The following SERINC5 variants were observed in gnomAD, a reference collection of about 807,000 sequenced individuals.
SERINC5 encodes chromosome 5 open reading frame 12.
A neutral mutation model predicts 63.1 loss-of-function variants in SERINC5; 41 were observed. That is an observed-to-expected ratio of 0.65 (90% CI 0.51 to 0.84). The LOEUF (loss-of-function observed/expected upper bound fraction) is 0.84. SERINC5 is among the 40% of genes least tolerant of loss of function. The pLI is 0.00. For synonymous variants in SERINC5, 222 were observed against 215.2 expected (o/e 1.03, Z -0.28); for missense variants, 523 against 573.0 (o/e 0.91, Z 0.89).
intron 4 of SERINC5, among the ~76,000 whole-genome samples, chr5:80,175,726 T>C (rs1335714900): frequency 6.6e-6 from 1 of 151,014 alleles, no homozygotes; most frequent in Non-Finnish European, 1.5e-5. Flanking sequence ...ACTCCAGGCA[T>C]AGTGGCGGGT....
At chr5:80,157,112 C>A (rs1038653974) in intron 8 of SERINC5, 2 of 151,346 alleles carry the variant, frequency 1.3e-5, no homozygotes, top group Non-Finnish European at 2.9e-5. Context: ...CCAGCCTCAG[C>A]CTCCGGAGTA....
chr5:80,184,560 C>T (rs954000751), intron 2 of SERINC5, among the ~76,000 whole-genome samples: 1 of 152,150 alleles, frequency 6.6e-6, no homozygotes, highest in African/African-American at 2.4e-5. Context: ...GGTAAACAAC[C>T]CCCCTGCTCC....
intron 6 of SERINC5, among the ~76,000 whole-genome samples, chr5:80,168,325 T>C (rs1561388133): frequency 6.6e-6 from 1 of 151,912 alleles, no homozygotes; most frequent in Non-Finnish European, 1.5e-5. Context: ...GCCTCCCGGG[T>C]AGCTGGGAAT....
Position 80,256,036 on chromosome 5 carries a change from T to C in SERINC5, c.-114A>G. On this transcript the variant is annotated 5_prime_UTR_variant, in exon 1 of 12. Coordinates refer to ENST00000507668, the MANE Select transcript of SERINC5 (RefSeq NM_001174072.3). ...GCCGCAGCTCACACTTGAACGAAGATCAGCCTCGGCGAAGCGCCTAGGCGC... is the reference window on the plus strand; with the variant it reads ...GCCGCAGCTCACACTTGAACGAAGACCAGCCTCGGCGAAGCGCCTAGGCGC... 6 of 1,167,230 alleles carry C rather than the reference T, an allele frequency of 5.1e-6. No individual in the cohort carries two copies. The highest frequency in any genetic ancestry group is 1.7e-5 in the South Asian group (1 of 58,360). 72.3% of individuals were successfully genotyped at this position (1,167,230 alleles called of 1,614,324 possible).
intron 2 of SERINC5, among the ~76,000 whole-genome samples, chr5:80,181,803 C>G (rs972916734): frequency 6.6e-6 from 1 of 152,136 alleles, no homozygotes; most frequent in South Asian, 2.1e-4. Flanking sequence ...AGGGTAGGTA[C>G]GGTTCTAACT....
chr5:80,236,178 C>T (rs1751678249), intron 1 of SERINC5, among the ~76,000 whole-genome samples: 1 of 152,156 alleles, frequency 6.6e-6, no homozygotes, highest in Admixed American at 6.6e-5. Flanking sequence ...AAAACTACAA[C>T]ATCTAACATT....
intron 11 of SERINC5, among the ~76,000 whole-genome samples, chr5:80,132,462 C>A (rs541557553): frequency 6.6e-6 from 1 of 152,258 alleles, no homozygotes; most frequent in South Asian, 2.1e-4. Flanking sequence ...TGTATCTCCT[C>A]ATGTTGTTCC....
intron 1 of SERINC5, among the ~76,000 whole-genome samples, chr5:80,238,379 C>A (rs1299626852): frequency 6.6e-6 from 1 of 152,152 alleles, no homozygotes; most frequent in South Asian, 2.1e-4. Flanking sequence ...CTATCATCCA[C>A]GCATAGAGCA....
chr5:80,233,594 A>T (rs1281954413), intron 1 of SERINC5, among the ~76,000 whole-genome samples: 1 of 152,080 alleles, frequency 6.6e-6, no homozygotes, highest in Non-Finnish European at 1.5e-5. Flanking sequence ...TAAAAATAAA[A>T]CTAGGACTTT....
chr5:80,155,834 T>C (rs1253313879), intron 8 of SERINC5, among the ~76,000 whole-genome samples: 1 of 152,144 alleles, frequency 6.6e-6, no homozygotes, highest in Non-Finnish European at 1.5e-5. Flanking sequence ...TATGATGTTC[T>C]TTCACAGCAA....
Position 80,140,365 on chromosome 5 carries a change from G to A in SERINC5, c.*3298C>T. 1 of 886,596 alleles carries A rather than the reference G, an allele frequency of 1.1e-6. No individual in the cohort carries two copies. The highest frequency in any genetic ancestry group is 1.3e-6 in the Non-Finnish European group (1 of 746,116). The allele number at this position is 886,596 out of a possible 1,614,324, so 54.9% of individuals were successfully genotyped here. On this transcript the variant is annotated 3_prime_UTR_variant, in exon 12 of 12. Coordinates refer to ENST00000507668, the MANE Select transcript of SERINC5 (RefSeq NM_001174072.3). ...GGTGACAATTTTGACATGGGGACAG[G>A]AAATTAACATTACACTGAGGTTATT...
chr5:80,200,854 G>A (rs1409376816), intron 2 of SERINC5, among the ~76,000 whole-genome samples: 2 of 152,072 alleles, frequency 1.3e-5, no homozygotes, highest in Non-Finnish European at 2.9e-5. Context: ...AGCACTTTGG[G>A]AGGCTGAGGC....
chr5:80,207,708 C>G (rs147745335), intron 1 of SERINC5, among the ~76,000 whole-genome samples: 23 of 152,206 alleles, frequency 1.5e-4, no homozygotes, highest in Admixed American at 5.2e-4. Context: ...TGTATGTGTA[C>G]CTATACACAC....
chr5:80,203,567 C>G (rs1749991531), intron 1 of SERINC5, among the ~76,000 whole-genome samples: 1 of 152,018 alleles, frequency 6.6e-6, no homozygotes, highest in African/African-American at 2.4e-5. Flanking sequence ...GTCCCAGCTA[C>G]TTGGGAGGCT....
intron 1 of SERINC5, among the ~76,000 whole-genome samples, chr5:80,223,846 C>A (rs964621735): frequency 1.3e-5 from 2 of 152,050 alleles, no homozygotes; most frequent in Admixed American, 6.6e-5. Flanking sequence ...AAAAGTCAAG[C>A]CGGGCGCGGT....
At chr5:80,134,437 G>A (rs1463609922), downstream of SERINC5, among the ~76,000 whole-genome samples, 1 of 152,216 alleles carries the variant, frequency 6.6e-6, no homozygotes, top group African/African-American at 2.4e-5. Flanking sequence ...AGTGAGCCAA[G>A]ATGGGGCCAC....
intron 1 of SERINC5, among the ~76,000 whole-genome samples, chr5:80,245,006 C>G (rs1456994039): frequency 1.3e-5 from 2 of 152,188 alleles, no homozygotes; most frequent in East Asian, 3.9e-4. Context: ...TCCTCTCTCA[C>G]TTGACTTCAA....
intron 1 of SERINC5, among the ~76,000 whole-genome samples, chr5:80,255,693 G>C (rs966735171): frequency 6.6e-6 from 1 of 152,110 alleles, no homozygotes; most frequent in Admixed American, 6.5e-5. Flanking sequence ...GTAGCCTCTC[G>C]GGCTTCCCCC....
Position 80,255,879 on chromosome 5 carries a change from C to T in SERINC5, c.27+17G>A. 6.3e-7 allele frequency: 1 copy of T among 1,589,242 alleles called. No homozygotes were observed. ...CTCCGATCTGACAACCCCCGCGCTGCGCCCGGCCTCGCTCACCTGGCCCGC... is the reference window on the plus strand; with the variant it reads ...CTCCGATCTGACAACCCCCGCGCTGTGCCCGGCCTCGCTCACCTGGCCCGC... On this transcript the variant is annotated intron_variant, in intron 1 of 11. Coordinates refer to ENST00000507668, the MANE Select transcript of SERINC5 (RefSeq NM_001174072.3).
Sources: gnomAD v4.1 joint callset for allele counts (sites outside exome capture counted in the v4.1 genomes callset) on GRCh38, gnomAD v4.1.1 for gene constraint, MANE v1.5 for transcripts, NCBI Gene and HGNC (gene_info 2026-07-23, HGNC 2026-07-21) for gene names.